SBF2: variants seen among roughly 807,000 people sequenced by gnomAD.
SBF2 encodes the protein myotubularin-related protein 13.
Under a neutral mutation model 225.2 loss-of-function variants are expected in SBF2, and 112 were observed. That is an observed-to-expected ratio of 0.50 (90% CI 0.43 to 0.58). The LOEUF is 0.58. Among genes scored for constraint, SBF2 ranks in the 20% least tolerant of loss-of-function variants. The probability of loss-of-function intolerance (pLI) is 0.00; values close to 1 mark genes in which losing one functional copy is unlikely to be tolerated. For missense variants in SBF2, 1,996 were observed against 2,206.2 expected, an observed-to-expected ratio of 0.90 and a Z score of 1.91; for synonymous variants, 763 against 773.3, an observed-to-expected ratio of 0.99 and a Z score of 0.22.
chr11:9,881,535 T>C (rs1335205236), intron 17 of SBF2, among the ~76,000 whole-genome samples: 2 of 151,996 alleles, frequency 1.3e-5, no homozygotes, highest in African/African-American at 4.8e-5. Flanking sequence ...CAGATACTTT[T>C]CCCCCGCCTT....
rs530418255 is a variant in SBF2, at chr11:10,219,268, G to A, written c.56-25281C>T. On this transcript the variant is annotated intron_variant, in intron 1 of 39. Coordinates refer to ENST00000256190, the MANE Select transcript of SBF2 (RefSeq NM_030962.4). Reference sequence around the variant, plus strand: ...CCCACAGGCTCAACACCATGTGGAAGCTGCCAAGGCTTGAGGCTTGCACCC... The same window carrying A: ...CCCACAGGCTCAACACCATGTGGAAACTGCCAAGGCTTGAGGCTTGCACCC... Among the ~76,000 whole-genome samples the A allele has an allele frequency of 3.9e-5, 6 of 152,346 alleles. No homozygotes were observed. In the South Asian group the frequency reaches 1.2e-3, roughly 32 times the overall value.
At chr11:10,006,409 A>C (rs912939133) in intron 6 of SBF2, among the ~76,000 whole-genome samples, 1 of 152,050 alleles carries the variant, frequency 6.6e-6, no homozygotes, top group South Asian at 2.1e-4. Flanking sequence ...ATGACTTACC[A>C]TATGCTTTTT....
intron 17 of SBF2, among the ~76,000 whole-genome samples, chr11:9,891,178 C>T (rs944066741): frequency 6.6e-6 from 1 of 151,574 alleles, no homozygotes. Context: ...GGTGAAGGGG[C>T]CATGACTTTC....
At chr11:10,051,821 T>C (rs1259556393) in intron 2 of SBF2, among the ~76,000 whole-genome samples, 2 of 152,210 alleles carry the variant, frequency 1.3e-5, no homozygotes, top group African/African-American at 4.8e-5. Context: ...CACTGTATCA[T>C]AAGATTAAGC....
At chr11:10,050,754 T>C (rs1031298882) in intron 2 of SBF2, among the ~76,000 whole-genome samples, 1 of 152,138 alleles carries the variant, frequency 6.6e-6, no homozygotes, top group Non-Finnish European at 1.5e-5. Flanking sequence ...AATGGGTGCA[T>C]AGTGTATACA....
intron 1 of SBF2, among the ~76,000 whole-genome samples, chr11:10,275,336 A>C (rs1018886597): frequency 7.0e-6 from 1 of 143,478 alleles, no homozygotes; most frequent in Non-Finnish European, 1.6e-5. Context: ...TATGGCTTTA[A>C]AAGTCTTTAG....
intron 17 of SBF2, among the ~76,000 whole-genome samples, chr11:9,882,546 T>A (rs146284696): frequency 1.3e-5 from 2 of 152,114 alleles, no homozygotes; most frequent in Non-Finnish European, 2.9e-5. Flanking sequence ...TGGTGGCTCA[T>A]GTCTGTAATC....
In SBF2 at chr11:9,816,942, G is replaced by T. The variant is rs778401534; in HGVS notation, c.3876C>A (p.Gly1292=). The T allele has an allele frequency of 3.1e-6, 5 of 1,614,032 alleles. No individual in the cohort carries two copies. In the South Asian group the frequency reaches 5.5e-5, roughly 18 times the overall value. The change falls in exon 29 of 40, where the codon GGC becomes GGA. Residue 1292 remains glycine, a synonymous_variant. Coordinates refer to ENST00000256190, the MANE Select transcript of SBF2 (RefSeq NM_030962.4). ...SFIDVGARLA[G]KDHSASFSNS... Reference sequence around the variant, plus strand: ...TACTGAAGGAGGCCGAGTGATCCTTGCCTGCCAGCCGGGCGCCAACATCAA... The same window carrying T: ...TACTGAAGGAGGCCGAGTGATCCTTTCCTGCCAGCCGGGCGCCAACATCAA...
chr11:10,241,088 T>A (rs1959205904), intron 1 of SBF2, among the ~76,000 whole-genome samples: 1 of 152,202 alleles, frequency 6.6e-6, no homozygotes, highest in Admixed American at 6.5e-5. Context: ...CGGTAGCTCA[T>A]GCCTGTAATC....
At chr11:10,224,030 G>A (rs1341778830) in intron 1 of SBF2, among the ~76,000 whole-genome samples, 12 of 152,132 alleles carry the variant, frequency 7.9e-5, no homozygotes, top group Admixed American at 3.9e-4. Flanking sequence ...TGTTTGTGGC[G>A]TAAGTTTTCA....
At chr11:9,828,545 G>C (rs1241169602) in intron 28 of SBF2, 1 of 985,330 alleles carries the variant, frequency 1.0e-6, no homozygotes, top group Admixed American at 6.1e-5. Context: ...TTAAGCCAAA[G>C]AGACCAACTT....
At chr11:10,012,665 T>C (rs1948501715) in intron 6 of SBF2, among the ~76,000 whole-genome samples, 1 of 152,218 alleles carries the variant, frequency 6.6e-6, no homozygotes, top group African/African-American at 2.4e-5. Context: ...AATACTATTT[T>C]TTTTTCCCCT....
intron 2 of SBF2, among the ~76,000 whole-genome samples, chr11:10,146,833 C>T (rs538792373): frequency 6.6e-6 from 1 of 152,152 alleles, no homozygotes; most frequent in Admixed American, 6.5e-5. Flanking sequence ...TGACAAAGGT[C>T]TAATATTCAG....
At chr11:9,939,688 C>T (rs78752449) in intron 16 of SBF2, among the ~76,000 whole-genome samples, 304 of 152,284 alleles carry the variant, frequency 2.0e-3, no homozygotes, top group African/African-American at 6.8e-3. Context: ...CTCTGAAAAA[C>T]TGCTGGTGGA....
intron 2 of SBF2, among the ~76,000 whole-genome samples, chr11:10,119,916 A>G (rs1471055464): frequency 6.6e-6 from 1 of 152,220 alleles, no homozygotes; most frequent in East Asian, 1.9e-4. Context: ...GTCGGGCCTT[A>G]GAATCAATAT....
At chr11:10,245,482 C>CA (rs899329822) in intron 1 of SBF2, among the ~76,000 whole-genome samples, 17 of 150,448 alleles carry the variant, frequency 1.1e-4, no homozygotes, top group South Asian at 2.1e-4. Flanking sequence ...TATTATTAAA[C>CA]AAAAAAAAAG....
intron 1 of SBF2, among the ~76,000 whole-genome samples, chr11:10,224,710 T>A (rs1005929515): frequency 6.6e-6 from 1 of 152,206 alleles, no homozygotes; most frequent in Non-Finnish European, 1.5e-5. Context: ...AGTTTGTATG[T>A]CACCTCTTCA....
intron 16 of SBF2, among the ~76,000 whole-genome samples, chr11:9,942,338 C>T (rs902441090): frequency 1.3e-5 from 2 of 152,178 alleles, no homozygotes; most frequent in African/African-American, 4.8e-5. Context: ...CAGGCATGAG[C>T]TACTGTGCCC....
chr11:10,259,380 A>G (rs1187092318), intron 1 of SBF2, among the ~76,000 whole-genome samples: 1 of 152,228 alleles, frequency 6.6e-6, no homozygotes, highest in Non-Finnish European at 1.5e-5. Flanking sequence ...TGCTCTGTAC[A>G]TAGAAAGCAC....
Sources: gnomAD v4.1 joint callset for allele counts (sites outside exome capture counted in the v4.1 genomes callset) on GRCh38, gnomAD v4.1.1 for gene constraint, MANE v1.5 for transcripts, NCBI Gene and HGNC (gene_info 2026-07-23, HGNC 2026-07-21) for gene names.